The following PNISR variants were observed in gnomAD, a reference collection of about 807,000 sequenced individuals.
The protein encoded by PNISR is PNN interacting serine and arginine rich protein.
Under a neutral mutation model 93.4 loss-of-function variants are expected in PNISR, and 20 were observed. The observed-to-expected ratio is 0.21, with a 90% confidence interval of 0.15 to 0.31. The LOEUF (loss-of-function observed/expected upper bound fraction) is 0.31, where lower values mean the gene tolerates loss of function less well. Ranked by LOEUF, PNISR falls within the 10% of genes least tolerant of loss-of-function variation. PNISR has a pLI of 1.00. For synonymous variants in PNISR, 305 were observed against 306.5 expected (o/e 0.99, Z 0.05); for missense variants, 893 against 985.4 (o/e 0.91, Z 1.25).
rs139325987 is a variant in PNISR at position 99,401,204 on chromosome 6, T to C, written c.1754A>G (p.Asn585Ser). The C allele has an allele frequency of 1.1e-5, 18 of 1,614,000 alleles. No individual in the cohort carries two copies. The highest frequency in any genetic ancestry group is 1.7e-5 in the Admixed American group (1 of 59,992). The change falls in exon 12 of 12, where the codon AAT (asparagine) becomes AGT (serine). Residue 585 changes from asparagine to serine, a missense_variant. By Grantham distance (46) the Asn-to-Ser change is conservative. This residue lies in a region of PNISR where 866 missense variants were observed against 935.1 expected (regional missense o/e 0.93). Coordinates refer to ENST00000369239, the MANE Select transcript of PNISR (RefSeq NM_032870.4). ...SYSRRIKIESNRARVKIRDRR... is the reference protein window; with the variant it reads ...SYSRRIKIESSRARVKIRDRR... ...ATCTCTAATCTTTACCCTAGCCCTA[T>C]TGCTCTCTATTTTAATTCTGCGAGA... is the stretch of plus-strand genomic sequence containing the variant.
At position 99,425,276 on chromosome 6, in the gene PNISR, G is replaced by T. The variant is rs1279376509; in HGVS notation, c.-173C>A. Reference sequence around the variant, plus strand: ...CCGGTAACACCTCTCCAACGCTTTCGATGCTTCTACTTCTTCGGGAACAAG... The same window carrying T: ...CCGGTAACACCTCTCCAACGCTTTCTATGCTTCTACTTCTTCGGGAACAAG... On this transcript the variant is annotated 5_prime_UTR_variant, in exon 1 of 12. Coordinates refer to ENST00000369239, the MANE Select transcript of PNISR (RefSeq NM_032870.4). 1 of 1,232,116 alleles carries T rather than the reference G, an allele frequency of 8.1e-7. No individual in the cohort carries two copies. The highest frequency in any genetic ancestry group is 3.2e-5 in the East Asian group (1 of 31,704). 76.3% of individuals were successfully genotyped at this position (1,232,116 alleles called of 1,614,324 possible). A position where few individuals can be genotyped will look rare whatever the true frequency, so the allele number is the denominator to read the frequency against.
chr6:99,412,537 C>A lies in PNISR; in HGVS notation c.277+14G>T. 6.5e-7 allele frequency: 1 copy of A among 1,548,082 alleles called. No individual in the cohort carries two copies. The highest frequency in any genetic ancestry group is 1.2e-5 in the South Asian group (1 of 81,422). On this transcript the variant is annotated intron_variant, in intron 4 of 11. Coordinates refer to ENST00000369239, the MANE Select transcript of PNISR (RefSeq NM_032870.4). The stretch of plus-strand genomic sequence containing the variant: ...TTTAAAAGTCTTAAAATTGTGAAAA[C>A]ATAAACAACAAACCTGGTTGCCACA...
intron 6 of PNISR, 105 bp from the exon 7 acceptor site, chr6:99,408,376 A>C: frequency 1.4e-6 from 1 of 739,692 alleles, no homozygotes; most frequent in East Asian, 2.6e-5. Context: ...GCCTTTCTTC[A>C]ATGCCATCAC....
At chr6:99,405,756 T>C (rs1341210658) in intron 8 of PNISR, among the ~76,000 whole-genome samples, 1 of 152,036 alleles carries the variant, frequency 6.6e-6, no homozygotes, top group African/African-American at 2.4e-5. Flanking sequence ...AAGGTCTCAC[T>C]GCAGTGCCCA....
rs1241549335 is a variant in PNISR at position 99,402,589 on chromosome 6, A to G, written c.1278T>C (p.Phe426=). 3 of 1,613,548 alleles carry G rather than the reference A, an allele frequency of 1.9e-6. No individual in the cohort carries two copies. Among genetic ancestry groups the G allele is most frequent in the Non-Finnish European group, 2.5e-6 (3 of 1,179,708 alleles). Residue 426 remains phenylalanine, a synonymous_variant, in exon 11 of 12, where the codon TTT becomes TTC. Transcript: ENST00000369239. The part of the protein sequence containing the change: ...RHRIRQKQEA[F]WRKEKEQQLL... Reference sequence around the variant, plus strand: ...GCTGCTGTTCTTTTTCTTTTCTCCAAAAAGCTTCCTGTTTTTGCCGGATTC... The same window carrying G: ...GCTGCTGTTCTTTTTCTTTTCTCCAGAAAGCTTCCTGTTTTTGCCGGATTC...
At chr6:99,412,333 C>T (rs1777046903) in intron 4 of PNISR, 2 of 663,584 alleles carry the variant, frequency 3.0e-6, no homozygotes, top group Non-Finnish European at 5.5e-6. Context: ...GAATGAAGAA[C>T]CAAGAAAAGA....
In PNISR at chr6:99,400,169, AAAG is replaced by A. The variant is rs904128157; in HGVS notation, c.*368_*370del. On this transcript the variant is annotated 3_prime_UTR_variant, in exon 12 of 12. Coordinates refer to ENST00000369239, the MANE Select transcript of PNISR (RefSeq NM_032870.4). ...CACCTATTTACAGATTAAAAAAAAA[AAAG>A]ATTCTGGTTTCACCTACACAGCCAC... 2.6e-5 allele frequency: 5 copies of A among 195,288 alleles called. No individual in the cohort carries two copies. The highest frequency in any genetic ancestry group is 1.2e-4 in the African/African-American group (5 of 42,270). The allele number at this position is 195,288 out of a possible 1,614,324, so 12.1% of individuals were successfully genotyped here.
intron 4 of PNISR, 115 bp downstream of exon 4, chr6:99,412,436 C>CTT: frequency 1.3e-6 from 1 of 776,618 alleles, no homozygotes; most frequent in Non-Finnish European, 2.2e-6. Context: ...ACTGCCTATT[C>CTT]TTTAAGAAGC....
rs1241150953 is a variant in PNISR, at chr6:99,413,430, CCATCCATT to C, written c.89-699_89-692del. Among the ~76,000 whole-genome samples the C allele has an allele frequency of 4.5e-3, 677 of 149,332 alleles. 12 individuals are homozygous for C. Among genetic ancestry groups the C allele is most frequent in the African/African-American group, 0.017 (655 of 39,340 alleles). The stretch of plus-strand genomic sequence containing the variant: ...TCCATCCATCCATCCATCCATCCAT[CCATCCATT>C]CATCCATGATCCATCCATCCATCCA... On this transcript the variant is annotated intron_variant, in intron 3 of 11. Coordinates refer to ENST00000369239, the MANE Select transcript of PNISR (RefSeq NM_032870.4).
At position 99,398,974 on chromosome 6, in the gene PNISR, T is replaced by C. The variant is rs560728676; in HGVS notation, c.*1566A>G. On this transcript the variant is annotated 3_prime_UTR_variant, in exon 12 of 12. Transcript: ENST00000369239. ...AACATGCATTTATTCACAGTTGATT[T>C]ATTTCCTTTAGATAAATGTGTAACT... 2 of 152,138 alleles carry C rather than the reference T, an allele frequency of 1.3e-5. No homozygotes were observed. The highest frequency in any genetic ancestry group is 2.9e-5 in the Non-Finnish European group (2 of 67,954). The allele number at this position is 152,138 out of a possible 1,614,324, so 9.4% of individuals were successfully genotyped here.
chr6:99,403,815 T>A lies in PNISR; in HGVS notation c.1156+14A>T. ...TTCCCTTTAGGCCCTCTCACAAATA[T>A]GGAAAACACTTACCGAGTCCAGTGA... On this transcript the variant is annotated intron_variant, in intron 10 of 11. Coordinates refer to ENST00000369239, the MANE Select transcript of PNISR (RefSeq NM_032870.4). 1 of 1,607,360 alleles carries A rather than the reference T, an allele frequency of 6.2e-7. No individual in the cohort carries two copies. Among genetic ancestry groups the A allele is most frequent in the Non-Finnish European group, 8.5e-7 (1 of 1,174,424 alleles).
At chr6:99,424,824 G>A (rs778900485) in intron 1 of PNISR, 41 of 169,080 alleles carry the variant, frequency 2.4e-4, no homozygotes, top group Middle Eastern at 2.5e-3. Flanking sequence ...TGCGTAGTCA[G>A]AGCCTCAAAG....
At chr6:99,423,666 T>A in intron 1 of PNISR, among the ~76,000 whole-genome samples, 1 of 152,200 alleles carries the variant, frequency 6.6e-6, no homozygotes, top group East Asian at 1.9e-4. Context: ...GAAAATCGTC[T>A]GGCAAATTCC....
At chr6:99,420,364 C>G (rs1778389408) in intron 1 of PNISR, among the ~76,000 whole-genome samples, 2 of 152,160 alleles carry the variant, frequency 1.3e-5, no homozygotes, top group South Asian at 2.1e-4. Flanking sequence ...AGAAAAGAGA[C>G]AGATTGTAGT....
chr6:99,413,335 T>C (rs1464976538), intron 3 of PNISR, among the ~76,000 whole-genome samples: 2 of 152,108 alleles, frequency 1.3e-5, no homozygotes, highest in Non-Finnish European at 2.9e-5. Context: ...TTCCCCACTA[T>C]CTTGAAGACT....
chr6:99,418,626 T>C lies in PNISR; in HGVS notation c.-111-2198A>G, dbSNP rs552280234. 8.5e-5 allele frequency among the ~76,000 whole-genome samples: 13 copies of C among 152,286 alleles called. No homozygotes were observed. In the East Asian group the frequency reaches 1.2e-3, roughly 14 times the overall value. On this transcript the variant is annotated intron_variant, in intron 1 of 11. Coordinates refer to ENST00000369239, the MANE Select transcript of PNISR (RefSeq NM_032870.4). ...TTGATGGAAGCTACTATTCAAGTAA[T>C]ATAATGTTTGGGACACTTAGGCTGA...
At chr6:99,407,351 A>AG (rs916832983) in intron 7 of PNISR, among the ~76,000 whole-genome samples, 3 of 151,852 alleles carry the variant, frequency 2.0e-5, no homozygotes, top group African/African-American at 7.3e-5. Context: ...AAAAAAAAAA[A>AG]AAGAGTAACC....
chr6:99,423,310 ATAAAC>A, intron 1 of PNISR, among the ~76,000 whole-genome samples: 1 of 152,230 alleles, frequency 6.6e-6, no homozygotes, highest in Non-Finnish European at 1.5e-5. Context: ...ATATGATAAA[ATAAAC>A]TAACAAATAA....
intron 7 of PNISR, among the ~76,000 whole-genome samples, chr6:99,406,688 T>C (rs1380262502): frequency 6.6e-6 from 1 of 152,210 alleles, no homozygotes; most frequent in Non-Finnish European, 1.5e-5. Flanking sequence ...TGCTTCTTTT[T>C]AGCTCATAAT....
Sources: gnomAD v4.1 joint callset for allele counts (sites outside exome capture counted in the v4.1 genomes callset) on GRCh38, gnomAD v4.1.1 for gene constraint, gnomAD v4.1.1 regional missense constraint, MANE v1.5 for transcripts, NCBI Gene and HGNC (gene_info 2026-07-23, HGNC 2026-07-21) for gene names.